The following PCSK5 variants were observed in gnomAD, a reference collection of about 807,000 sequenced individuals.
PCSK5 encodes the protein proprotein convertase subtilisin/kexin type 5.
In PCSK5, 129 loss-of-function variants were observed where a neutral mutation model predicts 233.2. The ratio of observed to expected loss-of-function variants is 0.55; its 90% CI spans 0.48 to 0.64. PCSK5 has a LOEUF of 0.64. Ranked by LOEUF, PCSK5 falls within the 30% of genes least tolerant of loss-of-function variation. The probability of loss-of-function intolerance (pLI) is 0.00; values close to 1 mark genes in which losing one functional copy is unlikely to be tolerated. For synonymous variants in PCSK5, 825 were observed against 879.2 expected, an observed-to-expected ratio of 0.94 and a Z score of 1.09; for missense variants, 2,076 against 2,430.1, an observed-to-expected ratio of 0.85 and a Z score of 3.06.
intron 1 of PCSK5, among the ~76,000 whole-genome samples, chr9:75,914,678 G>A (rs1208362633): frequency 6.6e-6 from 1 of 152,114 alleles, no homozygotes; most frequent in African/African-American, 2.4e-5. Context: ...CCTGAGAGTT[G>A]CTTCATTAAA....
intron 1 of PCSK5, among the ~76,000 whole-genome samples, chr9:75,907,812 C>T (rs1172156530): frequency 1.3e-5 from 2 of 152,154 alleles, no homozygotes; most frequent in African/African-American, 4.8e-5. Flanking sequence ...TTTCCAATCA[C>T]GGGCAAATTT....
Position 76,193,037 on chromosome 9 carries a change from TCTCTC to T in PCSK5, c.2626+3299_2626+3303del, listed in dbSNP as rs150572137. On this transcript the variant is annotated intron_variant, in intron 20 of 37. Transcript: ENST00000674117. ...TTACATTTACCATTGGACTGCAATG[TCTCTC>T]CTCTCCTTGAAAAACAATGCGGTTG... Among the ~76,000 whole-genome samples, 502 of 152,072 alleles carry T rather than the reference TCTCTC, an allele frequency of 3.3e-3. 7 individuals are homozygous for T. The highest frequency in any genetic ancestry group is 0.012 in the African/African-American group (478 of 41,498).
At chr9:76,193,409 A>AG (rs1824513588) in intron 20 of PCSK5, 9 of 894,486 alleles carry the variant, frequency 1.0e-5, no homozygotes, top group Non-Finnish European at 7.4e-6. Context: ...CATATTATTA[A>AG]AAAGAAAAAA....
At chr9:76,252,180 A>G (rs1826830952) in intron 24 of PCSK5, among the ~76,000 whole-genome samples, 1 of 152,062 alleles carries the variant, frequency 6.6e-6, no homozygotes, top group Non-Finnish European at 1.5e-5. Context: ...AGTCAGGAGA[A>G]AGGCGTGAAC....
intron 24 of PCSK5, among the ~76,000 whole-genome samples, chr9:76,271,394 T>C (rs543386772): frequency 6.6e-6 from 1 of 152,324 alleles, no homozygotes; most frequent in African/African-American, 2.4e-5. Flanking sequence ...TGATAAAGCA[T>C]TCCTCTTTTC....
At chr9:76,284,663 G>A (rs1828002446) in intron 24 of PCSK5, among the ~76,000 whole-genome samples, 1 of 151,582 alleles carries the variant, frequency 6.6e-6, no homozygotes, top group Admixed American at 6.6e-5. Context: ...CTCCCAAGTA[G>A]CTGGGATTAC....
chr9:76,264,859 C>A (rs1827286342), intron 24 of PCSK5, among the ~76,000 whole-genome samples: 2 of 152,054 alleles, frequency 1.3e-5, no homozygotes, highest in South Asian at 2.1e-4. Flanking sequence ...CTGTTTGACC[C>A]AACAATCCCA....
chr9:76,355,447 TG>T (rs1353018533), intron 37 of PCSK5, among the ~76,000 whole-genome samples: 1 of 151,692 alleles, frequency 6.6e-6, no homozygotes, highest in African/African-American at 2.4e-5. Flanking sequence ...CACTCCAGCC[TG>T]GGTGACAGAG....
intron 10 of PCSK5, among the ~76,000 whole-genome samples, chr9:76,148,536 T>A (rs1823545265): frequency 6.6e-6 from 1 of 152,126 alleles, no homozygotes; most frequent in Admixed American, 6.5e-5. Flanking sequence ...CAAGGCCCTC[T>A]CTATGTCATT....
chr9:76,161,768 G>T (rs559376740), intron 12 of PCSK5, among the ~76,000 whole-genome samples: 2 of 152,310 alleles, frequency 1.3e-5, no homozygotes, highest in East Asian at 3.9e-4. Flanking sequence ...CTTCAGGCTC[G>T]CATGCATTCT....
At chr9:76,320,294 G>A (rs1169129593) in intron 30 of PCSK5, among the ~76,000 whole-genome samples, 1 of 151,658 alleles carries the variant, frequency 6.6e-6, no homozygotes, top group Middle Eastern at 3.2e-3. Context: ...GCCAGGCATG[G>A]TGGCACGCAC....
At chr9:76,138,820 T>A (rs1209982758) in intron 10 of PCSK5, among the ~76,000 whole-genome samples, 1 of 151,966 alleles carries the variant, frequency 6.6e-6, no homozygotes, top group Non-Finnish European at 1.5e-5. Context: ...TCATTGAAAA[T>A]CAAAAAATGA....
chr9:76,202,072 TTA>T (rs1380840122), intron 20 of PCSK5, among the ~76,000 whole-genome samples: 5 of 152,218 alleles, frequency 3.3e-5, no homozygotes, highest in African/African-American at 1.2e-4. Flanking sequence ...AGGCTTTTTA[TTA>T]TATATAGGAA....
At chr9:76,044,229 T>C (rs1248380431) in intron 5 of PCSK5, among the ~76,000 whole-genome samples, 1 of 152,200 alleles carries the variant, frequency 6.6e-6, no homozygotes, top group Non-Finnish European at 1.5e-5. Flanking sequence ...CAACTTGAGA[T>C]TTTAAAAATC....
chr9:75,988,904 C>T (rs1354282664), intron 3 of PCSK5, among the ~76,000 whole-genome samples: 1 of 152,182 alleles, frequency 6.6e-6, no homozygotes, highest in Admixed American at 6.5e-5. Context: ...ATCCTGTCTC[C>T]ACCCTTCTGC....
chr9:75,986,396 A>T (rs1178739818), intron 3 of PCSK5, 151 bp downstream of exon 3: 7 of 548,410 alleles, frequency 1.3e-5, no homozygotes, highest in Non-Finnish European at 2.3e-5. Context: ...TTAATGGCCT[A>T]TGATGCTGTC....
At chr9:76,094,309 G>A (rs1445793284) in intron 7 of PCSK5, among the ~76,000 whole-genome samples, 3 of 152,068 alleles carry the variant, frequency 2.0e-5, no homozygotes, top group Admixed American at 2.0e-4. Flanking sequence ...GCTTCCACCT[G>A]GGGACCAGAA....
rs761583050 is a variant in PCSK5, at chr9:76,095,991, C to T, written c.996C>T (p.Thr332=). The change falls in exon 8 of 38, where the codon ACC becomes ACT. Residue 332 remains threonine (T), a synonymous_variant. Coordinates refer to ENST00000674117, the MANE Select transcript of PCSK5 (RefSeq NM_001372043.1). ...SCDGYTNSIY[T]ISISSTAESG... is the part of the protein sequence containing the mutation. ...ATGGCTACACCAACAGCATCTACAC[C>T]ATCTCCATCAGCAGCACTGCAGAAA... The T allele has an allele frequency of 5.6e-6, 9 of 1,614,036 alleles. No homozygotes were observed. In the South Asian group the frequency reaches 8.8e-5, roughly 16 times the overall value.
intron 20 of PCSK5, among the ~76,000 whole-genome samples, chr9:76,220,526 C>CAAAAA (rs57063521): frequency 1.1e-4 from 11 of 100,510 alleles, no homozygotes; most frequent in Non-Finnish European, 1.3e-4. Context: ...GACTCTGTCT[C>CAAAAA]AAAAAAAAAA....
Sources: gnomAD v4.1 joint callset for allele counts (sites outside exome capture counted in the v4.1 genomes callset) on GRCh38, gnomAD v4.1.1 for gene constraint, MANE v1.5 for transcripts, NCBI Gene and HGNC (gene_info 2026-07-23, HGNC 2026-07-21) for gene names.